Variants in PPP3CA observed in about 807,000 individuals in gnomAD.
The protein encoded by PPP3CA is protein phosphatase 3 catalytic subunit alpha.
PPP3CA carries 14 observed loss-of-function variants against 66.5 expected under a neutral mutation model. That is an observed-to-expected ratio of 0.21 (90% CI 0.14 to 0.33). The LOEUF is 0.33. Ranked by LOEUF, PPP3CA falls within the 10% of genes least tolerant of loss-of-function variation. PPP3CA has a pLI of 1.00. For missense variants in PPP3CA, 317 were observed against 639.5 expected (o/e 0.50, Z 5.44); for synonymous variants, 232 against 226.2 (o/e 1.03, Z -0.23).
chr4:101,040,145 A>G (rs1348475555), intron 11 of PPP3CA, among the ~76,000 whole-genome samples: 4 of 152,206 alleles, frequency 2.6e-5, no homozygotes, highest in Admixed American at 2.6e-4. Flanking sequence ...GCCAGAACGA[A>G]AAACAAAACA....
At chr4:101,167,076 T>C (rs1723716821) in intron 2 of PPP3CA, among the ~76,000 whole-genome samples, 1 of 152,202 alleles carries the variant, frequency 6.6e-6, no homozygotes, top group South Asian at 2.1e-4. Context: ...AATTCCATTC[T>C]CTTAACTAAA....
At chr4:101,272,442 A>G (rs1240054063) in intron 1 of PPP3CA, among the ~76,000 whole-genome samples, 1 of 152,230 alleles carries the variant, frequency 6.6e-6, no homozygotes, top group Non-Finnish European at 1.5e-5. Context: ...CAAGATACGT[A>G]GGACAATAAG....
chr4:101,195,979 T>A lies in PPP3CA; in HGVS notation c.196A>T (p.Thr66Ser). ...LEESVALRII[T>S]EGASILRQEK... ...TGTCGAAGAATTGATGCACCCTCTG[T>A]TATTATTCTCAATGCAACACTCTCT... is the stretch of plus-strand genomic sequence containing the variant. Residue 66 changes from threonine to serine, a missense_variant, in exon 2 of 14, where the codon ACA becomes TCA. This residue lies in a region of PPP3CA where 76 missense variants were observed against 99.5 expected (regional missense o/e 0.76). Coordinates refer to ENST00000394854, the MANE Select transcript of PPP3CA (RefSeq NM_000944.5). The A allele has an allele frequency of 6.2e-7, 1 of 1,614,072 alleles. No individual in the cohort carries two copies. The highest frequency in any genetic ancestry group is 8.5e-7 in the Non-Finnish European group (1 of 1,179,986).
intron 10 of PPP3CA, among the ~76,000 whole-genome samples, chr4:101,047,035 C>T (rs1220561801): frequency 6.6e-6 from 1 of 152,138 alleles, no homozygotes; most frequent in Non-Finnish European, 1.5e-5. Flanking sequence ...TGGGAAAATA[C>T]ATGTCCAACA....
intron 1 of PPP3CA, among the ~76,000 whole-genome samples, chr4:101,311,142 A>C (rs751557808): frequency 3.3e-5 from 5 of 152,172 alleles, no homozygotes; most frequent in Admixed American, 6.5e-5. Flanking sequence ...CAAGAGATCA[A>C]TTTATGTTTT....
intron 1 of PPP3CA, among the ~76,000 whole-genome samples, chr4:101,245,775 T>C (rs757164359): frequency 3.3e-5 from 5 of 152,032 alleles, no homozygotes; most frequent in African/African-American, 9.7e-5. Flanking sequence ...TTCTGCTTGT[T>C]ACTGTCCCTT....
chr4:101,057,245 C>T (rs1268551133), intron 10 of PPP3CA, among the ~76,000 whole-genome samples: 1 of 152,014 alleles, frequency 6.6e-6, no homozygotes. Context: ...TTAGTAGAGA[C>T]AAGGTTTTGC....
chr4:101,095,267 T>C (rs533390136), intron 5 of PPP3CA, among the ~76,000 whole-genome samples: 2 of 152,192 alleles, frequency 1.3e-5, no homozygotes, highest in South Asian at 4.2e-4. Context: ...CAATAACTTA[T>C]TAAGGGTAGG....
intron 11 of PPP3CA, among the ~76,000 whole-genome samples, chr4:101,033,291 CAA>C (rs1424895135): frequency 4.5e-4 from 31 of 68,418 alleles, no homozygotes; most frequent in South Asian, 2.2e-3. Flanking sequence ...CACACACACA[CAA>C]ACACACACAC....
intron 1 of PPP3CA, among the ~76,000 whole-genome samples, chr4:101,221,764 A>G (rs1222975326): frequency 6.6e-6 from 1 of 151,516 alleles, no homozygotes; most frequent in African/African-American, 2.4e-5. Flanking sequence ...CAACTCCAAA[A>G]CATACTTATT....
chr4:101,229,860 G>C (rs1725903490), intron 1 of PPP3CA, among the ~76,000 whole-genome samples: 1 of 151,280 alleles, frequency 6.6e-6, no homozygotes, highest in Non-Finnish European at 1.5e-5. Flanking sequence ...AGGCAAATAG[G>C]GCAAAAAGAA....
intron 3 of PPP3CA, among the ~76,000 whole-genome samples, chr4:101,100,217 G>A (rs1730380813): frequency 6.6e-6 from 1 of 152,048 alleles, no homozygotes; most frequent in African/African-American, 2.4e-5. Flanking sequence ...AAGATGTTGG[G>A]AGAGAAGAAG....
At chr4:101,209,767 A>G (rs1725244130) in intron 1 of PPP3CA, among the ~76,000 whole-genome samples, 1 of 152,158 alleles carries the variant, frequency 6.6e-6, no homozygotes, top group Non-Finnish European at 1.5e-5. Context: ...AGAAAATGTC[A>G]CTGCAATAAT....
intron 2 of PPP3CA, among the ~76,000 whole-genome samples, chr4:101,157,079 A>C (rs1723347473): frequency 6.6e-6 from 1 of 152,174 alleles, no homozygotes; most frequent in African/African-American, 2.4e-5. Context: ...GCACAGAGTT[A>C]TGAGGTCGGT....
chr4:101,329,273 T>G (rs1419288633), intron 1 of PPP3CA, among the ~76,000 whole-genome samples: 1 of 152,098 alleles, frequency 6.6e-6, no homozygotes, highest in Non-Finnish European at 1.5e-5. Context: ...AATCACAAAA[T>G]TCTCTTAAGC....
At chr4:101,340,712 T>C (rs1729786953) in intron 1 of PPP3CA, among the ~76,000 whole-genome samples, 1 of 152,196 alleles carries the variant, frequency 6.6e-6, no homozygotes, top group African/African-American at 2.4e-5. Context: ...TTTCATTGCC[T>C]ACATCAGTCC....
chr4:101,301,780 C>G (rs1391026652), intron 1 of PPP3CA, among the ~76,000 whole-genome samples: 1 of 148,874 alleles, frequency 6.7e-6, no homozygotes, highest in Non-Finnish European at 1.5e-5. Context: ...TGTGAACCAC[C>G]GCGTCCAGCT....
At chr4:101,297,126 C>T (rs938250703) in intron 1 of PPP3CA, among the ~76,000 whole-genome samples, 2 of 152,016 alleles carry the variant, frequency 1.3e-5, no homozygotes, top group Non-Finnish European at 2.9e-5. Flanking sequence ...TTATATATTG[C>T]TTTCTTCCTC....
intron 2 of PPP3CA, among the ~76,000 whole-genome samples, chr4:101,150,110 T>A (rs1317837526): frequency 6.6e-6 from 1 of 152,074 alleles, no homozygotes; most frequent in African/African-American, 2.4e-5. Flanking sequence ...ATACATACTT[T>A]CACCCACCCC....
Sources: allele counts gnomAD v4.1 joint callset (sites outside exome capture counted in the v4.1 genomes callset), GRCh38; gene constraint gnomAD v4.1.1; regional missense constraint gnomAD v4.1.1; transcripts MANE v1.5; gene names NCBI Gene and HGNC (gene_info 2026-07-23, HGNC 2026-07-21).